The following SCPPPQ1 variants were observed in gnomAD, a reference collection of about 807,000 sequenced individuals.
SCPPPQ1 encodes secretory calcium-binding phosphoprotein proline- and glutamine-rich 1.
At chr4:87,470,039 G>A in the SCPPPQ1 span, among the ~76,000 whole-genome samples, 2 of 146,782 alleles carry the variant, frequency 1.4e-5, no homozygotes, top group Non-Finnish European at 3.0e-5. Context: ...CTGTACCCTC[G>A]AACTGCTGGG....
At chr4:87,469,272 C>G in the SCPPPQ1 span, among the ~76,000 whole-genome samples, 3 of 152,154 alleles carry the variant, frequency 2.0e-5, no homozygotes, top group Non-Finnish European at 4.4e-5. Flanking sequence ...TCCTATCTTT[C>G]AAATAGGACC....
At chr4:87,461,748 CTGG>C in the SCPPPQ1 span, among the ~76,000 whole-genome samples, 1 of 152,140 alleles carries the variant, frequency 6.6e-6, no homozygotes, top group African/African-American at 2.4e-5. Flanking sequence ...CTTAGGACTT[CTGG>C]TGGTGGTTAT....
the SCPPPQ1 span, chr4:87,461,915 A>C: frequency 6.6e-6 from 1 of 152,220 alleles, no homozygotes; most frequent in Non-Finnish European, 1.5e-5. Context: ...ACTCATGATA[A>C]AAATATTGAA....
chr4:87,464,339 A>T, the SCPPPQ1 span, among the ~76,000 whole-genome samples: 1 of 144,306 alleles, frequency 6.9e-6, no homozygotes, highest in African/African-American at 2.6e-5. Flanking sequence ...AAGTTCAATT[A>T]TTAAAATTCA....
chr4:87,464,589 G>T, the SCPPPQ1 span, among the ~76,000 whole-genome samples: 1 of 152,120 alleles, frequency 6.6e-6, no homozygotes, highest in Non-Finnish European at 1.5e-5. Flanking sequence ...CTGTAATACA[G>T]CACTTTTGGA....
At chr4:87,463,242 C>T in the SCPPPQ1 span, among the ~76,000 whole-genome samples, 33 of 151,298 alleles carry the variant, frequency 2.2e-4, no homozygotes, top group Non-Finnish European at 4.0e-4. Context: ...TCTTACCTTT[C>T]GTGGCATTGA....
the SCPPPQ1 span, among the ~76,000 whole-genome samples, chr4:87,467,688 G>A: frequency 2.0e-5 from 3 of 152,196 alleles, no homozygotes; most frequent in Admixed American, 1.3e-4. Context: ...AGTTTGAATA[G>A]CTGATTCCTG....
At chr4:87,467,235 C>T in the SCPPPQ1 span, among the ~76,000 whole-genome samples, 1 of 152,178 alleles carries the variant, frequency 6.6e-6, no homozygotes, top group Admixed American at 6.5e-5. Context: ...ACCTCAAGCA[C>T]TCACCGTTGA....
chr4:87,462,162 A>G, the SCPPPQ1 span: 1 of 152,192 alleles, frequency 6.6e-6, no homozygotes, highest in Non-Finnish European at 1.5e-5. Context: ...AATAATGTGG[A>G]ACTGTTAAAT....
chr4:87,464,247 AT>A, the SCPPPQ1 span, among the ~76,000 whole-genome samples: 82 of 152,296 alleles, frequency 5.4e-4, no homozygotes, highest in African/African-American at 1.9e-3. Flanking sequence ...GTAATTCAGC[AT>A]TTCATCTACT....
At chr4:87,462,546 G>C in the SCPPPQ1 span, among the ~76,000 whole-genome samples, 1 of 152,000 alleles carries the variant, frequency 6.6e-6, no homozygotes, top group South Asian at 2.1e-4. Flanking sequence ...TTCAGTGAAA[G>C]TCAAAGTAGA....
the SCPPPQ1 span, among the ~76,000 whole-genome samples, chr4:87,469,923 C>A: frequency 6.8e-6 from 1 of 147,492 alleles, no homozygotes; most frequent in Admixed American, 6.8e-5. Context: ...CCTGAAGTTG[C>A]GTTTGTGATC....
the SCPPPQ1 span, among the ~76,000 whole-genome samples, chr4:87,465,112 A>G: frequency 6.6e-6 from 1 of 152,200 alleles, no homozygotes; most frequent in Non-Finnish European, 1.5e-5. Context: ...TAGAGGTGAA[A>G]TGGACTTTGT....
At chr4:87,470,427 CTGT>C in the SCPPPQ1 span, among the ~76,000 whole-genome samples, 2 of 152,000 alleles carry the variant, frequency 1.3e-5, no homozygotes, top group Non-Finnish European at 2.9e-5. Context: ...AGTCTGGTTG[CTGT>C]TATTGCCAGT....
chr4:87,465,559 CAAAAA>C, the SCPPPQ1 span, among the ~76,000 whole-genome samples: 12 of 98,308 alleles, frequency 1.2e-4, no homozygotes, highest in South Asian at 1.1e-3. Context: ...TAGAAATCTA[CAAAAA>C]AAAAAAAAAA....
At chr4:87,468,665 A>G in the SCPPPQ1 span, among the ~76,000 whole-genome samples, 2 of 152,232 alleles carry the variant, frequency 1.3e-5, no homozygotes, top group African/African-American at 2.4e-5. Flanking sequence ...TAAATTACCA[A>G]AAAAGAAAAG....
the SCPPPQ1 span, among the ~76,000 whole-genome samples, chr4:87,463,516 A>G: frequency 6.6e-6 from 1 of 152,192 alleles, no homozygotes; most frequent in African/African-American, 2.4e-5. Context: ...AACTTATTAC[A>G]TATGCAAGTT....
At chr4:87,468,840 A>T in the SCPPPQ1 span, among the ~76,000 whole-genome samples, 50 of 152,300 alleles carry the variant, frequency 3.3e-4, 1 homozygote, top group African/African-American at 1.2e-3. Flanking sequence ...ATTGTTTGGA[A>T]TTTTAGACCA....
chr4:87,466,468 A>T, the SCPPPQ1 span, among the ~76,000 whole-genome samples: 2 of 152,228 alleles, frequency 1.3e-5, no homozygotes, highest in Admixed American at 6.5e-5. Context: ...GCAATTAATT[A>T]TAAGTGCAAG....
Sources: allele counts gnomAD v4.1 joint callset (sites outside exome capture counted in the v4.1 genomes callset), GRCh38; gene constraint gnomAD v4.1.1; transcripts MANE v1.5; gene names NCBI Gene and HGNC (gene_info 2026-07-23, HGNC 2026-07-21).